The following DFFB variants were observed in gnomAD, a reference collection of about 807,000 sequenced individuals.
The protein encoded by DFFB is DNA fragmentation factor 40 kDa subunit.
DFFB carries 29 observed loss-of-function variants against 32.7 expected under a neutral mutation model. The observed-to-expected ratio is 0.89, with a 90% CI of 0.66 to 1.21. The LOEUF is 1.21. Among genes scored for constraint, DFFB ranks in the 50% most tolerant of loss-of-function variants. DFFB has a pLI of 0.00. For missense variants in DFFB, 398 were observed against 440.6 expected (o/e 0.90, Z 0.87); for synonymous variants, 170 against 177.1 (o/e 0.96, Z 0.32).
intron 1 of DFFB, 96 bp from the exon 2 acceptor site, chr1:3,858,622 T>C (rs1198087933): frequency 1.4e-6 from 2 of 1,468,664 alleles, no homozygotes; most frequent in Non-Finnish European, 1.8e-6. Flanking sequence ...CCTGCTTCTT[T>C]AAGCACAGCT....
intron 6 of DFFB, 143 bp from the exon 7 acceptor site, chr1:3,883,364 A>C: frequency 1.3e-6 from 1 of 754,646 alleles, no homozygotes; most frequent in Non-Finnish European, 2.1e-6. Flanking sequence ...TCTGCTCAAC[A>C]AACCTGGCCA....
intron 5 of DFFB, 125 bp downstream of exon 5, chr1:3,869,900 A>T (rs1470797551): frequency 9.8e-7 from 1 of 1,016,106 alleles, no homozygotes; most frequent in Admixed American, 3.0e-5. Context: ...GAAGAGGTAC[A>T]GCCCTCACAT....
chr1:3,863,823 G>A (rs926389847), intron 2 of DFFB, among the ~76,000 whole-genome samples: 1 of 152,168 alleles, frequency 6.6e-6, no homozygotes, highest in African/African-American at 2.4e-5. Context: ...TTTAGGGTTG[G>A]GGGTAGGGTA....
chr1:3,878,826 G>A lies in DFFB; in HGVS notation c.783-4681G>A, dbSNP rs146346385. Among the ~76,000 whole-genome samples the A allele has an allele frequency of 3.5e-4, 53 of 152,236 alleles. 1 individual carries two copies. The highest frequency in any genetic ancestry group is 1.1e-3 in the African/African-American group (46 of 41,524). On this transcript the variant is annotated intron_variant, in intron 6 of 6. Coordinates refer to ENST00000378209, the MANE Select transcript of DFFB (RefSeq NM_004402.4). ...CATTTATTTATCAACAGATTCACCC[G>A]TGTCTGTGTTTGCCAGTGCTTCTTG...
In DFFB at chr1:3,869,719, A is replaced by G. The variant is rs775469843; in HGVS notation, c.625A>G (p.Arg209Gly). Reference protein sequence around the residue: ...SMQYNGSYFDRGAKGGSRLCT... With the variant: ...SMQYNGSYFDGGAKGGSRLCT... ...GCAGTACAATGGCAGCTACTTCGAC[A>G]GAGGAGCCAAGGGCGGCAGCCGCCT... Residue 209 changes from arginine to glycine, a missense_variant, in exon 5 of 7, where the codon AGA becomes GGA. Arg to Gly is a moderately radical substitution (Grantham distance 125). Coordinates refer to ENST00000378209, the MANE Select transcript of DFFB (RefSeq NM_004402.4). The G allele has an allele frequency of 1.2e-6, 2 of 1,611,644 alleles. No individual in the cohort carries two copies. Among genetic ancestry groups the G allele is most frequent in the Non-Finnish European group, 1.7e-6 (2 of 1,178,740 alleles).
At chr1:3,866,863 C>T (rs1412882174) in intron 3 of DFFB, among the ~76,000 whole-genome samples, 1 of 152,160 alleles carries the variant, frequency 6.6e-6, no homozygotes, top group Non-Finnish European at 1.5e-5. Flanking sequence ...AGCACAGTGT[C>T]CTCAAGGTTC....
chr1:3,869,920 G>A (rs1337168514), intron 5 of DFFB, 145 bp downstream of exon 5: 1 of 858,730 alleles, frequency 1.2e-6, no homozygotes, highest in Non-Finnish European at 1.7e-6. Context: ...TTCCCAGGGA[G>A]GGCGGCAGTG....
chr1:3,867,131 C>T (rs997899909), intron 3 of DFFB, among the ~76,000 whole-genome samples: 7 of 152,186 alleles, frequency 4.6e-5, no homozygotes, highest in Non-Finnish European at 8.8e-5. Flanking sequence ...CTCCTGACCT[C>T]GTGATCCGCC....
Position 3,865,758 on chromosome 1 carries a change from G to C in DFFB, c.242-54G>C. On this transcript the variant is annotated intron_variant, in intron 2 of 6. Transcript: ENST00000378209. This position sits in a 1 kb window ranked among gnomAD's most constrained non-coding sequence, Gnocchi z 4.7. ...GTCAGAGGCTCTTCTTGTGACCGGG[G>C]CAGGATGTGTCTTCTGCTGGACCGG... 3 of 1,613,992 alleles carry C rather than the reference G, an allele frequency of 1.9e-6. No individual in the cohort carries two copies. The highest frequency in any genetic ancestry group is 2.5e-6 in the Non-Finnish European group (3 of 1,179,934).
intron 4 of DFFB, among the ~76,000 whole-genome samples, chr1:3,868,638 CACCAA>C (rs1326840248): frequency 1.3e-5 from 2 of 151,908 alleles, no homozygotes; most frequent in Non-Finnish European, 2.9e-5. Context: ...GGCCACACCA[CACCAA>C]GCCACACCAC....
intron 6 of DFFB, among the ~76,000 whole-genome samples, chr1:3,873,658 T>C (rs1268008338): frequency 6.6e-6 from 1 of 152,052 alleles, no homozygotes; most frequent in Admixed American, 6.6e-5. Flanking sequence ...TTTGTATTTT[T>C]AGTAGAGACG....
In DFFB at chr1:3,883,538, C is replaced by G; in HGVS notation, c.814C>G (p.Leu272Val). The G allele has an allele frequency of 1.9e-6, 3 of 1,614,178 alleles. No individual in the cohort carries two copies. Among genetic ancestry groups the G allele is most frequent in the Non-Finnish European group, 2.5e-6 (3 of 1,180,032 alleles). Reference protein sequence around the residue: ...IEKKRTIIPTLVEAIKEQDGR... With the variant: ...IEKKRTIIPTVVEAIKEQDGR... ...AAAGAAACGCACCATCATTCCTACA[C>G]TGGTGGAAGCAATTAAGGAACAAGA... Residue 272 changes from leucine to valine, a missense_variant, in exon 7 of 7, where the codon CTG becomes GTG. Physicochemically the swap from Leu to Val is conservative, Grantham distance 32. Transcript: ENST00000378209.
chr1:3,860,668 T>C (rs1644863731), intron 2 of DFFB, among the ~76,000 whole-genome samples: 1 of 152,126 alleles, frequency 6.6e-6, no homozygotes, highest in African/African-American at 2.4e-5. Context: ...CCGACACTAG[T>C]GCAATGTGCA....
chr1:3,883,002 GTCTT>G (rs1323209617), intron 6 of DFFB, among the ~76,000 whole-genome samples: 1 of 127,610 alleles, frequency 7.8e-6, no homozygotes, highest in Non-Finnish European at 1.8e-5. Context: ...AGTGACACGA[GTCTT>G]TTTTTTTTTT....
intron 6 of DFFB, among the ~76,000 whole-genome samples, chr1:3,876,511 T>A (rs1645224536): frequency 6.6e-6 from 1 of 152,234 alleles, no homozygotes; most frequent in South Asian, 2.1e-4. Flanking sequence ...CTTCGGAAAG[T>A]TGCAGAGACA....
chr1:3,869,418 C>G lies in DFFB; in HGVS notation c.511-187C>G, dbSNP rs533013980. Among the ~76,000 whole-genome samples, 106 of 152,336 alleles carry G rather than the reference C, an allele frequency of 7.0e-4. 2 individuals are homozygous for G. The highest frequency in any genetic ancestry group is 1.3e-3 in the Non-Finnish European group (87 of 68,036). On this transcript the variant is annotated intron_variant, in intron 4 of 6. Transcript: ENST00000378209. ...GGCTGGTGTGGTTCCCTCCATTTCA[C>G]AGGTCAGAGTCTCCCAGGGTGGGAC...
At chr1:3,881,812 G>A (rs985454343) in intron 6 of DFFB, among the ~76,000 whole-genome samples, 1 of 151,978 alleles carries the variant, frequency 6.6e-6, no homozygotes, top group East Asian at 2.0e-4. Context: ...GGACATTACC[G>A]TGAGCTGAGA....
intron 3 of DFFB, among the ~76,000 whole-genome samples, chr1:3,866,934 T>C (rs11578530): frequency 0.14 from 21,208 of 152,124 alleles, 2,033 homozygotes; most frequent in Non-Finnish European, 0.2. Flanking sequence ...CTTGCTCTGT[T>C]GCCCAGGCTG....
Position 3,883,958 on chromosome 1 carries a change from C to T in DFFB, c.*217C>T. 1.8e-6 allele frequency: 1 copy of T among 552,932 alleles called. No individual in the cohort carries two copies. The allele number at this position is 552,932 out of a possible 1,614,324, so 34.3% of individuals were successfully genotyped here. On this transcript the variant is annotated 3_prime_UTR_variant, in exon 7 of 7. Transcript: ENST00000378209. ...GTTTTGTTTTGTAGATGGAGTTTCA[C>T]TTTTGTTGCCCAGGCTGGAGTGTAG...
Sources: allele counts gnomAD v4.1 joint callset (sites outside exome capture counted in the v4.1 genomes callset), GRCh38; gene constraint gnomAD v4.1.1; non-coding constraint Gnocchi (gnomAD v3.1); transcripts MANE v1.5; gene names NCBI Gene and HGNC (gene_info 2026-07-23, HGNC 2026-07-21).